Variants in PSMA1 observed in about 807,000 individuals in gnomAD.
The protein encoded by PSMA1 is proteasome 20S subunit alpha 1, also known as proteasome subunit alpha type-1.
PSMA1 carries 3 observed loss-of-function variants against 38.4 expected under a neutral mutation model. That is an observed-to-expected ratio of 0.08 (90% CI 0.04 to 0.20). PSMA1 has a LOEUF of 0.20. Ranked by LOEUF, PSMA1 falls within the 10% of genes least tolerant of loss-of-function variation. PSMA1 has a pLI of 1.00. For synonymous variants in PSMA1, 101 were observed against 107.1 expected (o/e 0.94, Z 0.35); for missense variants, 227 against 325.3 (o/e 0.70, Z 2.32).
intron 2 of PSMA1, among the ~76,000 whole-genome samples, chr11:14,596,790 G>A (rs1264708351): frequency 6.6e-6 from 1 of 152,160 alleles, no homozygotes; most frequent in African/African-American, 2.4e-5. Flanking sequence ...TGTTGAATAG[G>A]AGTGGTGAGA....
In PSMA1 at chr11:14,603,872, G is replaced by T. The variant is rs7938736; in HGVS notation, c.21+7094C>A. 1.4e-3 allele frequency among the ~76,000 whole-genome samples: 218 copies of T among 152,294 alleles called. 1 individual carries two copies. The highest frequency in any genetic ancestry group is 5.0e-3 in the African/African-American group (208 of 41,562). On this transcript the variant is annotated intron_variant, in intron 2 of 10. Transcript: ENST00000418988. ...TATTCCAGGAATTCAAATACAAAGA[G>T]AAGTTTTAATTCCATAGATCTGGTG...
At position 14,530,655 on chromosome 11, in the gene PSMA1, G is replaced by C. The variant is rs534264068; in HGVS notation, c.22-11614C>G. Among the ~76,000 whole-genome samples the C allele has an allele frequency of 2.6e-5, 4 of 152,282 alleles. No individual in the cohort carries two copies. In the East Asian group the frequency reaches 7.7e-4, roughly 29 times the overall value. On this transcript the variant is annotated intron_variant, in intron 2 of 10. Coordinates refer to the PSMA1 transcript ENST00000418988. ...GCAGTGGCTCATGCCCGTAATCCCAGCACTTTGGGAGGCCAAGACGGGCAG... is the reference window on the plus strand; with the variant it reads ...GCAGTGGCTCATGCCCGTAATCCCACCACTTTGGGAGGCCAAGACGGGCAG...
At chr11:14,592,185 C>T (rs1852424379) in intron 2 of PSMA1, among the ~76,000 whole-genome samples, 1 of 152,080 alleles carries the variant, frequency 6.6e-6, no homozygotes, top group Non-Finnish European at 1.5e-5. Context: ...AGACGCGCCA[C>T]CTTAACAGCT....
At chr11:14,561,889 A>C (rs1852014050) in intron 2 of PSMA1, among the ~76,000 whole-genome samples, 1 of 152,146 alleles carries the variant, frequency 6.6e-6, no homozygotes, top group Admixed American at 6.6e-5. Flanking sequence ...AATAAAGGGC[A>C]GTGTTGAAGC....
chr11:14,586,712 C>T (rs931446523), intron 2 of PSMA1, among the ~76,000 whole-genome samples: 7 of 152,090 alleles, frequency 4.6e-5, no homozygotes, highest in Non-Finnish European at 8.8e-5. Context: ...TTTCCCCCAC[C>T]GAAGAATCTC....
At chr11:14,635,520 C>T (rs1023319144) in intron 1 of PSMA1, among the ~76,000 whole-genome samples, 8 of 152,124 alleles carry the variant, frequency 5.3e-5, no homozygotes, top group African/African-American at 1.7e-4. Context: ...TTGCTTTTGC[C>T]TGAATTATCT....
At chr11:14,592,579 G>A (rs1281484787) in intron 2 of PSMA1, among the ~76,000 whole-genome samples, 4 of 152,052 alleles carry the variant, frequency 2.6e-5, no homozygotes, top group Admixed American at 2.6e-4. Flanking sequence ...TAGAGACGGG[G>A]TTTCACCGTG....
At chr11:14,548,093 T>A (rs1009901946) in intron 2 of PSMA1, among the ~76,000 whole-genome samples, 1 of 152,060 alleles carries the variant, frequency 6.6e-6, no homozygotes, top group African/African-American at 2.4e-5. Context: ...TAATAGCTGA[T>A]GTTTATATAG....
intron 7 of PSMA1, 99 bp from the exon 8 acceptor site, chr11:14,511,050 C>T: frequency 5.6e-6 from 4 of 717,688 alleles, no homozygotes; most frequent in Non-Finnish European, 8.7e-6. Flanking sequence ...TTTTTAGTTA[C>T]ACACTAAATT....
At chr11:14,539,559 C>G (rs1028599951) in intron 2 of PSMA1, among the ~76,000 whole-genome samples, 9 of 152,034 alleles carry the variant, frequency 5.9e-5, no homozygotes, top group Non-Finnish European at 1.5e-5. Context: ...AGAACAGGAC[C>G]CACGGGCCGG....
At position 14,553,997 on chromosome 11, in the gene PSMA1, A is replaced by G. The variant is rs927923690; in HGVS notation, c.22-34956T>C. Among the ~76,000 whole-genome samples the G allele has an allele frequency of 2.6e-5, 4 of 152,302 alleles. No individual in the cohort carries two copies. In the East Asian group the frequency reaches 7.7e-4, roughly 29 times the overall value. On this transcript the variant is annotated intron_variant, in intron 2 of 10. Coordinates refer to the PSMA1 transcript ENST00000418988. ...ATTTAGTATTGTCATTATTTTAGCC[A>G]TCCTAATAGGTATATAATGATATCT...
chr11:14,516,151 A>T (rs1424900288), intron 4 of PSMA1, among the ~76,000 whole-genome samples: 1 of 151,348 alleles, frequency 6.6e-6, no homozygotes, highest in East Asian at 2.0e-4. Context: ...CGGAGGTTGC[A>T]GTGAGCCGAG....
intron 2 of PSMA1, among the ~76,000 whole-genome samples, chr11:14,605,652 G>A (rs942375341): frequency 3.3e-5 from 5 of 152,180 alleles, no homozygotes; most frequent in African/African-American, 1.2e-4. Context: ...CTCCCAAAGT[G>A]CTGGGATTAT....
intron 2 of PSMA1, among the ~76,000 whole-genome samples, chr11:14,542,625 A>G (rs552394920): frequency 6.6e-6 from 1 of 152,354 alleles, no homozygotes; most frequent in African/African-American, 2.4e-5. Flanking sequence ...GAGGTGTTTT[A>G]TTAAAGAGTC....
chr11:14,629,892 T>G (rs1403071748), intron 1 of PSMA1, among the ~76,000 whole-genome samples: 1 of 152,282 alleles, frequency 6.6e-6, no homozygotes, highest in Admixed American at 6.5e-5. Context: ...ACATCCCTTG[T>G]AAGTTGGATT....
intron 2 of PSMA1, among the ~76,000 whole-genome samples, chr11:14,572,999 G>A (rs1824952901): frequency 6.6e-6 from 1 of 152,096 alleles, no homozygotes; most frequent in African/African-American, 2.4e-5. Context: ...CCAATAACAG[G>A]AGCCGAAACT....
intron 2 of PSMA1, among the ~76,000 whole-genome samples, chr11:14,564,198 A>AC (rs954785817): frequency 3.3e-5 from 5 of 149,760 alleles, no homozygotes; most frequent in Admixed American, 6.7e-5. Flanking sequence ...CCATCCTCCT[A>AC]CCCCCCCACC....
At chr11:14,596,127 T>C (rs998733165) in intron 2 of PSMA1, among the ~76,000 whole-genome samples, 1 of 152,236 alleles carries the variant, frequency 6.6e-6, no homozygotes, top group Non-Finnish European at 1.5e-5. Context: ...ACCAGTACCA[T>C]GCTGTTTTGG....
intron 2 of PSMA1, among the ~76,000 whole-genome samples, chr11:14,587,675 A>G (rs1306364026): frequency 6.6e-6 from 1 of 151,404 alleles, no homozygotes; most frequent in Non-Finnish European, 1.5e-5. Context: ...GGAGGGACCT[A>G]AGTTTGAATC....
Sources: allele counts gnomAD v4.1 joint callset (sites outside exome capture counted in the v4.1 genomes callset), GRCh38; gene constraint gnomAD v4.1.1; transcripts MANE v1.5; gene names NCBI Gene and HGNC (gene_info 2026-07-23, HGNC 2026-07-21).